The following PLCB1 variants were observed in gnomAD, a reference collection of about 807,000 sequenced individuals.
PLCB1 encodes the protein 1-phosphatidylinositol 4,5-bisphosphate phosphodiesterase beta-1.
Under a neutral mutation model 161.8 loss-of-function variants are expected in PLCB1, and 46 were observed. The ratio of observed to expected loss-of-function variants is 0.28; its 90% CI spans 0.22 to 0.36. The LOEUF is 0.36. Ranked by LOEUF, PLCB1 falls within the 10% of genes least tolerant of loss-of-function variation. The pLI is 1.00. For synonymous variants in PLCB1, 517 were observed against 503.7 expected (o/e 1.03, Z -0.35); for missense variants, 1,016 against 1,472.5 (o/e 0.69, Z 5.07).
At chr20:8,869,758 G>A (rs1337243195) in intron 31 of PLCB1, among the ~76,000 whole-genome samples, 1 of 152,194 alleles carries the variant, frequency 6.6e-6, no homozygotes, top group Admixed American at 6.5e-5. Flanking sequence ...AGCTGGACTT[G>A]TTCATACATC....
At chr20:8,553,514 T>G (rs1316815265) in intron 3 of PLCB1, among the ~76,000 whole-genome samples, 1 of 152,186 alleles carries the variant, frequency 6.6e-6, no homozygotes, top group Non-Finnish European at 1.5e-5. Context: ...TATGTAAGCA[T>G]ACAACTTTTC....
intron 3 of PLCB1, among the ~76,000 whole-genome samples, chr20:8,385,860 A>G (rs1987412181): frequency 6.6e-6 from 1 of 152,216 alleles, no homozygotes; most frequent in Non-Finnish European, 1.5e-5. Flanking sequence ...TTCCGATGAG[A>G]GAACCTGGAT....
intron 12 of PLCB1, among the ~76,000 whole-genome samples, chr20:8,709,889 C>T (rs972064788): frequency 3.9e-5 from 6 of 152,128 alleles, no homozygotes; most frequent in African/African-American, 1.4e-4. Context: ...TTATTCTGTT[C>T]CATGCTATTT....
chr20:8,276,977 C>CTTATTA lies in PLCB1; in HGVS notation c.178-94403_178-94402insATTATT, dbSNP rs1384044322. The stretch of plus-strand genomic sequence containing the variant: ...TCTTCTTCTTCTTCTTCTTCTTCTT[C>CTTATTA]TTCTTCTTCTTATTATTATTATTAT... On this transcript the variant is annotated intron_variant, in intron 2 of 31. Coordinates refer to ENST00000338037, the MANE Select transcript of PLCB1 (RefSeq NM_015192.4). 3.3e-3 allele frequency among the ~76,000 whole-genome samples: 319 copies of CTTATTA among 95,954 alleles called. 1 individual carries two copies. The highest frequency in any genetic ancestry group is 6.0e-3 in the African/African-American group (150 of 25,198). 62.9% of individuals were successfully genotyped at this position (95,954 alleles called of 152,430 possible).
At chr20:8,271,776 T>C (rs1412794990) in intron 2 of PLCB1, among the ~76,000 whole-genome samples, 1 of 152,102 alleles carries the variant, frequency 6.6e-6, no homozygotes, top group Non-Finnish European at 1.5e-5. Flanking sequence ...TTCATGTAGG[T>C]GTATGGGCTG....
At chr20:8,477,300 G>A (rs774485689) in intron 3 of PLCB1, among the ~76,000 whole-genome samples, 3 of 152,186 alleles carry the variant, frequency 2.0e-5, no homozygotes, top group Admixed American at 1.3e-4. Context: ...CAACTTAATT[G>A]TAAGGTATTA....
chr20:8,348,470 G>C (rs555905319), intron 2 of PLCB1, among the ~76,000 whole-genome samples: 85 of 152,284 alleles, frequency 5.6e-4, no homozygotes, highest in African/African-American at 1.8e-3. Flanking sequence ...GACATGGGGT[G>C]CTTCTTCCTT....
chr20:8,201,255 A>C (rs12480099), intron 2 of PLCB1, among the ~76,000 whole-genome samples: 3 of 151,548 alleles, frequency 2.0e-5, no homozygotes, highest in Non-Finnish European at 4.4e-5. Context: ...TTAAAAAAGG[A>C]CCCCCCTCCA....
At chr20:8,685,676 A>T (rs1990343906) in intron 10 of PLCB1, among the ~76,000 whole-genome samples, 1 of 151,122 alleles carries the variant, frequency 6.6e-6, no homozygotes, top group Non-Finnish European at 1.5e-5. Flanking sequence ...GGTGGAGGTT[A>T]CAGTGAGCCG....
chr20:8,732,462 G>A (rs531870527), intron 18 of PLCB1, among the ~76,000 whole-genome samples: 1 of 150,556 alleles, frequency 6.6e-6, no homozygotes, highest in African/African-American at 2.4e-5. Flanking sequence ...ACATTATAAG[G>A]GTGAAAAATT....
chr20:8,836,798 A>G (rs571973773), intron 31 of PLCB1, among the ~76,000 whole-genome samples: 57 of 152,314 alleles, frequency 3.7e-4, no homozygotes, highest in African/African-American at 1.3e-3. Flanking sequence ...ACAAAGAATG[A>G]GCTCAGGGTT....
At chr20:8,290,272 A>C (rs1295720687) in intron 2 of PLCB1, among the ~76,000 whole-genome samples, 3 of 152,170 alleles carry the variant, frequency 2.0e-5, no homozygotes, top group African/African-American at 7.2e-5. Context: ...CCAGGAGGAG[A>C]TTCCGAGACA....
At chr20:8,681,087 T>TGTGTATATATATATATAC (rs1555782778) in intron 9 of PLCB1, among the ~76,000 whole-genome samples, 4 of 13,106 alleles carry the variant, frequency 3.1e-4, no homozygotes, top group African/African-American at 6.2e-4. Context: ...TGTGTGTGTG[T>TGTGTATATATATATATAC]ATATATATAT....
rs527398272 is a variant in PLCB1, at chr20:8,514,639, G to A, written c.247-113655G>A. 6.6e-4 allele frequency among the ~76,000 whole-genome samples: 101 copies of A among 152,152 alleles called. No homozygotes were observed. In the South Asian group the frequency reaches 0.019, roughly 29 times the overall value. On this transcript the variant is annotated intron_variant, in intron 3 of 31. Coordinates refer to ENST00000338037, the MANE Select transcript of PLCB1 (RefSeq NM_015192.4). ...AAACCCAATCCCTAAACAATACTGT[G>A]CCCCATAGAGTAAAGCCGTTTCATT...
intron 31 of PLCB1, among the ~76,000 whole-genome samples, chr20:8,815,695 T>G (rs566220709): frequency 2.0e-5 from 3 of 152,314 alleles, no homozygotes; most frequent in Admixed American, 2.0e-4. Context: ...CCAACCATAA[T>G]GCATCTTAGT....
At chr20:8,669,901 T>C (rs1989902893) in intron 9 of PLCB1, among the ~76,000 whole-genome samples, 1 of 152,224 alleles carries the variant, frequency 6.6e-6, no homozygotes, top group South Asian at 2.1e-4. Flanking sequence ...TCCTTGCTCA[T>C]ACAACGCCAA....
chr20:8,849,847 T>G (rs956440415), intron 31 of PLCB1, among the ~76,000 whole-genome samples: 1 of 151,690 alleles, frequency 6.6e-6, no homozygotes, highest in South Asian at 2.1e-4. Flanking sequence ...ACCTCATATC[T>G]ACTAAAAATA....
At chr20:8,359,232 T>C (rs1986461538) in intron 2 of PLCB1, among the ~76,000 whole-genome samples, 1 of 152,210 alleles carries the variant, frequency 6.6e-6, no homozygotes, top group Admixed American at 6.5e-5. Flanking sequence ...AAAAATGTTA[T>C]TCACATAGGA....
At chr20:8,258,893 C>G (rs1315590453) in intron 2 of PLCB1, among the ~76,000 whole-genome samples, 3 of 152,030 alleles carry the variant, frequency 2.0e-5, no homozygotes, top group African/African-American at 7.2e-5. Flanking sequence ...TTCATGTATC[C>G]ATCACCAAAG....
Sources: allele counts gnomAD v4.1 joint callset (sites outside exome capture counted in the v4.1 genomes callset), GRCh38; gene constraint gnomAD v4.1.1; transcripts MANE v1.5; gene names NCBI Gene and HGNC (gene_info 2026-07-23, HGNC 2026-07-21).